AGBL4: variants seen among roughly 807,000 people sequenced by gnomAD.
AGBL4 encodes the protein AGBL carboxypeptidase 4.
Under a neutral mutation model 66.4 loss-of-function variants are expected in AGBL4, and 58 were observed. That is an observed-to-expected ratio of 0.87 (90% CI 0.71 to 1.09). The LOEUF (loss-of-function observed/expected upper bound fraction) is 1.09, where lower values mean the gene tolerates loss of function less well. AGBL4 is among the 50% of genes least tolerant of loss of function. The pLI is 0.00. For missense variants in AGBL4, 579 were observed against 631.0 expected, an observed-to-expected ratio of 0.92 and a Z score of 0.88; for synonymous variants, 234 against 222.9, an observed-to-expected ratio of 1.05 and a Z score of -0.44.
At chr1:49,928,236 T>C (rs1652986489) in intron 1 of AGBL4, among the ~76,000 whole-genome samples, 1 of 152,072 alleles carries the variant, frequency 6.6e-6, no homozygotes, top group Admixed American at 6.5e-5. Context: ...AGTACCTTTT[T>C]TATTTTTTAT....
intron 3 of AGBL4, among the ~76,000 whole-genome samples, chr1:49,598,860 A>G (rs1644901015): frequency 6.6e-6 from 1 of 152,080 alleles, no homozygotes. Flanking sequence ...TGAGATAATC[A>G]TGTGGTTTTT....
At chr1:49,164,017 G>C (rs932993152) in intron 4 of AGBL4, among the ~76,000 whole-genome samples, 17 of 152,292 alleles carry the variant, frequency 1.1e-4, no homozygotes, top group South Asian at 1.0e-3. Flanking sequence ...GAACCATTTT[G>C]AAGGACCTTG....
chr1:48,578,807 C>T (rs1644692595), intron 11 of AGBL4, among the ~76,000 whole-genome samples: 1 of 152,084 alleles, frequency 6.6e-6, no homozygotes, highest in Non-Finnish European at 1.5e-5. Context: ...TAGTATCAGG[C>T]TTTAGCTAGA....
chr1:49,499,067 C>G (rs1302661385), intron 3 of AGBL4, among the ~76,000 whole-genome samples: 1 of 151,908 alleles, frequency 6.6e-6, no homozygotes, highest in Non-Finnish European at 1.5e-5. Flanking sequence ...GTTGTCCTGG[C>G]CTTGTAAAAT....
intron 2 of AGBL4, among the ~76,000 whole-genome samples, chr1:49,828,086 A>G (rs1645558298): frequency 6.6e-6 from 1 of 152,096 alleles, no homozygotes; most frequent in Non-Finnish European, 1.5e-5. Context: ...TCTTATGAAC[A>G]GATGCCTGTT....
chr1:49,409,450 C>T (rs1183482402), intron 3 of AGBL4, among the ~76,000 whole-genome samples: 5 of 151,912 alleles, frequency 3.3e-5, no homozygotes, highest in Non-Finnish European at 7.4e-5. Flanking sequence ...AAGGCAGAAA[C>T]AAGGAGTGAG....
At chr1:49,730,606 G>T (rs1474410020) in intron 2 of AGBL4, among the ~76,000 whole-genome samples, 1 of 152,164 alleles carries the variant, frequency 6.6e-6, no homozygotes, top group East Asian at 1.9e-4. Flanking sequence ...GTTTTCAGGT[G>T]CTGCCATGTC....
intron 4 of AGBL4, among the ~76,000 whole-genome samples, chr1:49,171,899 G>T (rs1646745253): frequency 2.6e-5 from 4 of 152,122 alleles, no homozygotes; most frequent in Admixed American, 2.6e-4. Context: ...AAGAATTATT[G>T]CATTTAATCC....
chr1:49,304,230 T>C (rs527562635), intron 3 of AGBL4, among the ~76,000 whole-genome samples: 2 of 152,296 alleles, frequency 1.3e-5, no homozygotes, highest in South Asian at 4.1e-4. Flanking sequence ...ATTTATTAAA[T>C]AGGGAATCCT....
At chr1:48,530,077 T>C (rs1643897506), downstream of AGBL4, among the ~76,000 whole-genome samples, 1 of 152,218 alleles carries the variant, frequency 6.6e-6, no homozygotes, top group East Asian at 1.9e-4. Flanking sequence ...GTTATTCTGC[T>C]TTAACCTGTT....
chr1:48,678,927 C>T (rs1646411458), intron 6 of AGBL4, among the ~76,000 whole-genome samples: 1 of 152,252 alleles, frequency 6.6e-6, no homozygotes, highest in South Asian at 2.1e-4. Context: ...TAAAGGGAAA[C>T]TTTCTGTTTG....
chr1:48,936,948 G>A (rs887814139), intron 5 of AGBL4, among the ~76,000 whole-genome samples: 1 of 152,070 alleles, frequency 6.6e-6, no homozygotes, highest in African/African-American at 2.4e-5. Context: ...TCAAAATCTA[G>A]CATCTTTTAT....
At chr1:49,464,215 G>C (rs1471516740) in intron 3 of AGBL4, among the ~76,000 whole-genome samples, 1 of 151,734 alleles carries the variant, frequency 6.6e-6, no homozygotes, top group Non-Finnish European at 1.5e-5. Flanking sequence ...GCTGACACGT[G>C]GGCTGAATTT....
At chr1:49,268,647 C>T (rs1643984921) in intron 3 of AGBL4, among the ~76,000 whole-genome samples, 1 of 152,118 alleles carries the variant, frequency 6.6e-6, no homozygotes, top group South Asian at 2.1e-4. Context: ...TTTCTACCTG[C>T]TGCATGATTT....
intron 3 of AGBL4, among the ~76,000 whole-genome samples, chr1:49,695,684 A>G (rs181462471): frequency 6.6e-6 from 1 of 152,190 alleles, no homozygotes; most frequent in African/African-American, 2.4e-5. Context: ...GTGTGGTGTA[A>G]CTTTTTCTCC....
chr1:49,446,212 G>A (rs1387128554), intron 3 of AGBL4, among the ~76,000 whole-genome samples: 1 of 152,134 alleles, frequency 6.6e-6, no homozygotes, highest in Non-Finnish European at 1.5e-5. Context: ...TATATTGCTA[G>A]AGAATTGTTA....
chr1:48,707,494 A>G (rs919892541), intron 6 of AGBL4, among the ~76,000 whole-genome samples: 2 of 152,134 alleles, frequency 1.3e-5, no homozygotes, highest in African/African-American at 4.8e-5. Context: ...TAATCAACAC[A>G]TGCCTTGGGC....
At chr1:49,874,970 C>T (rs1177376110) in intron 1 of AGBL4, among the ~76,000 whole-genome samples, 4 of 90,180 alleles carry the variant, frequency 4.4e-5, no homozygotes, top group Admixed American at 1.4e-4. Flanking sequence ...TGCTATCCCT[C>T]CCCCCTCCCC....
intron 1 of AGBL4, among the ~76,000 whole-genome samples, chr1:49,862,345 A>G (rs1415777039): frequency 3.1e-5 from 2 of 65,020 alleles, no homozygotes; most frequent in African/African-American, 1.5e-4. Flanking sequence ...GATAATACAT[A>G]TAGGAGACAA....
Sources: gnomAD v4.1 joint callset for allele counts (sites outside exome capture counted in the v4.1 genomes callset) on GRCh38, gnomAD v4.1.1 for gene constraint, MANE v1.5 for transcripts, NCBI Gene and HGNC (gene_info 2026-07-23, HGNC 2026-07-21) for gene names.